The following SYT14 variants were observed in gnomAD, a reference collection of about 807,000 sequenced individuals.
SYT14 encodes synaptotagmin 14, also known as synaptotagmin-14.
A neutral mutation model predicts 74.2 loss-of-function variants in SYT14; 32 were observed. That is an observed-to-expected ratio of 0.43 (90% CI 0.33 to 0.58). The LOEUF (loss-of-function observed/expected upper bound fraction) is 0.58. Among genes scored for constraint, SYT14 ranks in the 20% least tolerant of loss-of-function variants. SYT14 has a pLI of 0.05. For missense variants in SYT14, 791 were observed against 981.8 expected, an observed-to-expected ratio of 0.81 and a Z score of 2.60; for synonymous variants, 298 against 337.7, an observed-to-expected ratio of 0.88 and a Z score of 1.29.
At chr1:209,994,310 T>C (rs753200783) in intron 2 of SYT14, among the ~76,000 whole-genome samples, 1 of 152,172 alleles carries the variant, frequency 6.6e-6, no homozygotes, top group African/African-American at 2.4e-5. Flanking sequence ...ACTGAACTTC[T>C]AGACCTGAAG....
At chr1:210,047,872 G>A (rs1400903199) in intron 5 of SYT14, among the ~76,000 whole-genome samples, 2 of 152,138 alleles carry the variant, frequency 1.3e-5, no homozygotes, top group Non-Finnish European at 2.9e-5. Flanking sequence ...ACTTTTTTCA[G>A]GTTGATTTTT....
At chr1:210,114,399 C>G (rs1268145025) in intron 7 of SYT14, among the ~76,000 whole-genome samples, 5 of 151,336 alleles carry the variant, frequency 3.3e-5, no homozygotes, top group African/African-American at 1.2e-4. Context: ...AATTGCAACT[C>G]TTCTCTATTA....
intron 5 of SYT14, among the ~76,000 whole-genome samples, chr1:210,070,970 A>G (rs1159706655): frequency 4.3e-5 from 4 of 92,420 alleles, no homozygotes; most frequent in African/African-American, 3.2e-4. Flanking sequence ...GTGATGAGGA[A>G]AAACAGACTA....
At position 210,075,632 on chromosome 1, in the gene SYT14, C is replaced by T. The variant is rs148317950; in HGVS notation, c.1313-18690C>T. Among the ~76,000 whole-genome samples, 443 of 152,214 alleles carry T rather than the reference C, an allele frequency of 2.9e-3. 2 individuals are homozygous for T. Among genetic ancestry groups the T allele is most frequent in the African/African-American group, 9.8e-3 (406 of 41,518 alleles). On this transcript the variant is annotated intron_variant, in intron 5 of 9. Coordinates refer to ENST00000637265, the Ensembl canonical transcript of SYT14. ...ACAGGCATGAGCCACCGTGCCTGGC[C>T]GGTCTTGAGGATTTTTATAGGCACA... is the stretch of plus-strand genomic sequence containing the variant.
chr1:209,985,332 C>T (rs758593950), intron 2 of SYT14, among the ~76,000 whole-genome samples: 6 of 152,346 alleles, frequency 3.9e-5, no homozygotes, highest in South Asian at 2.1e-4. Flanking sequence ...TAGTTCAAAA[C>T]GCATCAGGGC....
chr1:210,170,957 A>T (rs1214522192), exon 10 of SYT14: 1 of 152,154 alleles, frequency 6.6e-6, no homozygotes, highest in Non-Finnish European at 1.5e-5. Flanking sequence ...ATTAAACTAA[A>T]TAGCTTTAAA....
At chr1:210,030,922 GTTTTGTTTTGTTTT>G (rs1426760886) in intron 5 of SYT14, among the ~76,000 whole-genome samples, 1 of 66,884 alleles carries the variant, frequency 1.5e-5, no homozygotes, top group Non-Finnish European at 4.3e-5. Flanking sequence ...GTTTTGTTTT[GTTTTGTTTTGTTTT>G]GTTTTGTTGA....
intron 2 of SYT14, among the ~76,000 whole-genome samples, chr1:209,986,456 A>G (rs75456071): frequency 6.6e-6 from 1 of 151,450 alleles, no homozygotes; most frequent in East Asian, 2.0e-4. Flanking sequence ...ATAATAATTT[A>G]AAAAAAATTA....
chr1:209,950,571 C>A (rs2078896135), intron 1 of SYT14, among the ~76,000 whole-genome samples: 1 of 152,168 alleles, frequency 6.6e-6, no homozygotes, highest in African/African-American at 2.4e-5. Context: ...CAAAGCCTAT[C>A]TTCCTGATAA....
intron 5 of SYT14, among the ~76,000 whole-genome samples, chr1:210,078,993 G>A (rs532588701): frequency 3.3e-5 from 5 of 151,960 alleles, no homozygotes; most frequent in African/African-American, 1.2e-4. Flanking sequence ...GAGCTCAAGC[G>A]ATCAGCCCGT....
At chr1:210,045,823 T>C (rs1417967090) in intron 5 of SYT14, among the ~76,000 whole-genome samples, 1 of 152,172 alleles carries the variant, frequency 6.6e-6, no homozygotes, top group Non-Finnish European at 1.5e-5. Flanking sequence ...ATAATATTTT[T>C]ATGTCACTTT....
At chr1:210,126,917 AACAGTTT>A (rs1318223035) in intron 7 of SYT14, among the ~76,000 whole-genome samples, 1 of 152,222 alleles carries the variant, frequency 6.6e-6, no homozygotes, top group Non-Finnish European at 1.5e-5. Context: ...TGATCAATTT[AACAGTTT>A]ACTAAATTGT....
At chr1:210,020,107 A>G (rs764931524) in intron 4 of SYT14, among the ~76,000 whole-genome samples, 27 of 152,158 alleles carry the variant, frequency 1.8e-4, no homozygotes, top group Non-Finnish European at 2.6e-4. Flanking sequence ...GTGTGTGTAT[A>G]TATATTTTTC....
At chr1:210,063,501 A>G (rs550729959) in intron 5 of SYT14, among the ~76,000 whole-genome samples, 6 of 151,904 alleles carry the variant, frequency 3.9e-5, no homozygotes, top group African/African-American at 1.4e-4. Flanking sequence ...TAATTTTTTC[A>G]GCTGAACTTT....
intron 7 of SYT14, among the ~76,000 whole-genome samples, chr1:210,111,123 G>T (rs2082254165): frequency 6.6e-6 from 1 of 152,202 alleles, no homozygotes; most frequent in Non-Finnish European, 1.5e-5. Context: ...CCACCAAACA[G>T]GCTTTGTGTG....
At chr1:209,994,758 C>T (rs2079757960) in intron 2 of SYT14, among the ~76,000 whole-genome samples, 1 of 152,186 alleles carries the variant, frequency 6.6e-6, no homozygotes, top group Non-Finnish European at 1.5e-5. Flanking sequence ...AAGTCACATA[C>T]AGAGGGAACC....
intron 5 of SYT14, among the ~76,000 whole-genome samples, chr1:210,043,357 A>T (rs1347105436): frequency 6.6e-6 from 1 of 151,954 alleles, no homozygotes; most frequent in Non-Finnish European, 1.5e-5. Flanking sequence ...TCTAATGAAA[A>T]CCTACCAGAT....
At chr1:210,059,443 T>G (rs1443235575) in intron 5 of SYT14, among the ~76,000 whole-genome samples, 1,157 of 95,838 alleles carry the variant, frequency 0.012, 10 homozygotes, top group Middle Eastern at 0.029. Flanking sequence ...TATATATATA[T>G]ATATATATAG....
At chr1:210,026,880 G>A (rs1329875116) in intron 5 of SYT14, among the ~76,000 whole-genome samples, 1 of 151,932 alleles carries the variant, frequency 6.6e-6, no homozygotes, top group Non-Finnish European at 1.5e-5. Context: ...TTTGCAAAGT[G>A]GAAAAGTACT....
Sources: allele counts gnomAD v4.1 joint callset (sites outside exome capture counted in the v4.1 genomes callset), GRCh38; gene constraint gnomAD v4.1.1; transcripts MANE v1.5; gene names NCBI Gene and HGNC (gene_info 2026-07-23, HGNC 2026-07-21).